STK39: variants seen among roughly 807,000 people sequenced by gnomAD.
STK39 encodes serine/threonine kinase 39.
Under a neutral mutation model 77.8 loss-of-function variants are expected in STK39, and 20 were observed. That is an observed-to-expected ratio of 0.26 (90% CI 0.18 to 0.37). The LOEUF (loss-of-function observed/expected upper bound fraction) is 0.37. Ranked by LOEUF, STK39 falls within the 10% of genes least tolerant of loss-of-function variation. The pLI, the probability that STK39 is intolerant of heterozygous loss-of-function variation, is 1.00. For synonymous variants in STK39, 246 were observed against 234.1 expected (o/e 1.05, Z -0.47); for missense variants, 479 against 656.5 (o/e 0.73, Z 2.95).
intron 16 of STK39, among the ~76,000 whole-genome samples, chr2:168,002,416 G>A (rs982016962): frequency 6.6e-6 from 1 of 152,138 alleles, no homozygotes; most frequent in South Asian, 2.1e-4. Flanking sequence ...TCCCCAAATC[G>A]GAAGTTCTTT....
intron 16 of STK39, among the ~76,000 whole-genome samples, chr2:168,005,427 A>C (rs1007402600): frequency 2.6e-5 from 4 of 152,176 alleles, no homozygotes; most frequent in African/African-American, 9.7e-5. Flanking sequence ...AAAAAAAAAA[A>C]AATCAATCAT....
chr2:168,175,458 G>A (rs1243676683), intron 2 of STK39, among the ~76,000 whole-genome samples: 1 of 152,008 alleles, frequency 6.6e-6, no homozygotes, highest in Non-Finnish European at 1.5e-5. Context: ...ATTTTAATGA[G>A]CTATTTCTAA....
At chr2:168,034,161 T>A (rs1165786586) in intron 14 of STK39, among the ~76,000 whole-genome samples, 3 of 152,300 alleles carry the variant, frequency 2.0e-5, no homozygotes, top group South Asian at 4.1e-4. Flanking sequence ...GGCCCCTGCA[T>A]GTCCTCAAGC....
intron 14 of STK39, among the ~76,000 whole-genome samples, chr2:168,056,752 T>A (rs1056113336): frequency 2.6e-5 from 4 of 152,108 alleles, no homozygotes; most frequent in Non-Finnish European, 4.4e-5. Context: ...GAGTCTTGAA[T>A]GGAGATGGAA....
At chr2:168,019,744 C>G (rs1403007683) in intron 14 of STK39, among the ~76,000 whole-genome samples, 3 of 152,098 alleles carry the variant, frequency 2.0e-5, no homozygotes, top group African/African-American at 7.2e-5. Flanking sequence ...TTGCCTGTCT[C>G]CCAGGCTGGA....
intron 1 of STK39, among the ~76,000 whole-genome samples, chr2:168,236,735 G>C (rs1204063851): frequency 6.6e-6 from 1 of 152,166 alleles, no homozygotes; most frequent in Non-Finnish European, 1.5e-5. Context: ...TTTTTGTCAG[G>C]TTTGTCAAAG....
intron 14 of STK39, among the ~76,000 whole-genome samples, chr2:168,035,012 T>C (rs748263284): frequency 1.3e-5 from 2 of 152,178 alleles, no homozygotes; most frequent in Admixed American, 6.5e-5. Flanking sequence ...TTTACAAAAA[T>C]AGAGCTTGTA....
chr2:168,009,794 A>G (rs982889958), intron 16 of STK39, among the ~76,000 whole-genome samples: 1 of 152,224 alleles, frequency 6.6e-6, no homozygotes, highest in East Asian at 1.9e-4. Context: ...AAGGGGAAAA[A>G]AGGCAAGCTG....
intron 16 of STK39, among the ~76,000 whole-genome samples, chr2:167,998,633 T>C (rs1683913581): frequency 6.6e-6 from 1 of 152,242 alleles, no homozygotes; most frequent in Non-Finnish European, 1.5e-5. Flanking sequence ...TTTGTTTGTT[T>C]GTTTGTTTGT....
chr2:168,002,606 C>T (rs1684028879), intron 16 of STK39, among the ~76,000 whole-genome samples: 1 of 152,146 alleles, frequency 6.6e-6, no homozygotes, highest in Admixed American at 6.6e-5. Context: ...GAATTCTTTC[C>T]TCCGCTTAAT....
chr2:168,212,739 C>T (rs1355802805), intron 1 of STK39, among the ~76,000 whole-genome samples: 2 of 152,134 alleles, frequency 1.3e-5, no homozygotes, highest in Non-Finnish European at 2.9e-5. Context: ...GTAAGTTACA[C>T]GTGAAGACAC....
chr2:168,210,928 A>G (rs1689875205), intron 1 of STK39, among the ~76,000 whole-genome samples: 1 of 152,216 alleles, frequency 6.6e-6, no homozygotes, highest in South Asian at 2.1e-4. Flanking sequence ...ATAATATACA[A>G]CTTAATTATA....
At chr2:168,237,996 C>T (rs895167085) in intron 1 of STK39, among the ~76,000 whole-genome samples, 2 of 152,098 alleles carry the variant, frequency 1.3e-5, no homozygotes, top group Non-Finnish European at 2.9e-5. Context: ...AAATTAAAAT[C>T]TAAGCTACAC....
rs774144934 is a variant in STK39 at position 168,032,693 on chromosome 2, C to T, written c.1377-15598G>A. ...TGCCTCTTCACAGTAAAGTGACAGA[C>T]GTGCTTTTCAGAAAGGAGGTACAAA... On this transcript the variant is annotated intron_variant, in intron 14 of 17. Coordinates refer to ENST00000355999, the MANE Select transcript of STK39 (RefSeq NM_013233.3). Among the ~76,000 whole-genome samples, 38 of 152,140 alleles carry T rather than the reference C, an allele frequency of 2.5e-4. 1 individual carries two copies. The highest frequency in any genetic ancestry group is 1.0e-4 in the Non-Finnish European group (7 of 68,020).
chr2:168,170,629 G>A lies in STK39; in HGVS notation c.322-3222C>T, dbSNP rs1688800014. Among the ~76,000 whole-genome samples the A allele has an allele frequency of 2.0e-5, 3 of 152,206 alleles. 1 individual carries two copies. The South Asian group carries it at 6.2e-4, about 31-fold the overall frequency. On this transcript the variant is annotated intron_variant, in intron 2 of 17. Transcript: ENST00000355999. The stretch of plus-strand genomic sequence containing the variant: ...GCTGTGGGTCCAGAAACCAGACTTT[G>A]AGTGGCAAAGTGGTAGACTGAGCTT...
intron 1 of STK39, among the ~76,000 whole-genome samples, chr2:168,191,543 T>TA (rs1689340662): frequency 6.6e-6 from 1 of 152,194 alleles, no homozygotes; most frequent in East Asian, 1.9e-4. Context: ...GATGTCTGTT[T>TA]AAAAAGCAGA....
chr2:167,955,604 TTGC>T (rs754020591), intron 17 of STK39, 34 bp from the exon 18 acceptor site: 11 of 1,600,896 alleles, frequency 6.9e-6, no homozygotes, highest in South Asian at 3.3e-5. Flanking sequence ...CAATGCTGGT[TTGC>T]TGCTGCTGCT....
intron 1 of STK39, among the ~76,000 whole-genome samples, chr2:168,200,721 G>A (rs927326674): frequency 3.5e-5 from 5 of 143,890 alleles, no homozygotes; most frequent in Admixed American, 6.8e-5. Context: ...AAATAAAATG[G>A]GAACTTAAAA....
At chr2:168,161,729 C>T (rs749638125) in intron 5 of STK39, 58 bp downstream of exon 5, 10 of 1,258,184 alleles carry the variant, frequency 7.9e-6, no homozygotes, top group Non-Finnish European at 1.1e-5. Flanking sequence ...TTCTACATTC[C>T]TTGAAACTGT....
Sources: gnomAD v4.1 joint callset for allele counts (sites outside exome capture counted in the v4.1 genomes callset) on GRCh38, gnomAD v4.1.1 for gene constraint, MANE v1.5 for transcripts, NCBI Gene and HGNC (gene_info 2026-07-23, HGNC 2026-07-21) for gene names.